Variants in DTNA observed in about 807,000 individuals in gnomAD.
DTNA encodes the protein dystrobrevin alpha, also known as dystrophin-related protein 3.
Under a neutral mutation model 100.7 loss-of-function variants are expected in DTNA, and 43 were observed. The observed-to-expected ratio is 0.43, with a 90% CI of 0.33 to 0.55. DTNA has a LOEUF of 0.55. Among genes scored for constraint, DTNA ranks in the 20% least tolerant of loss-of-function variants. DTNA has a pLI of 0.04. For synonymous variants in DTNA, 349 were observed against 347.9 expected, an observed-to-expected ratio of 1.00 and a Z score of -0.04; for missense variants, 798 against 953.9, an observed-to-expected ratio of 0.84 and a Z score of 2.15.
At chr18:34,608,180 G>T (rs189762304) in intron 1 of DTNA, among the ~76,000 whole-genome samples, 12 of 152,118 alleles carry the variant, frequency 7.9e-5, no homozygotes, top group African/African-American at 2.9e-4. Context: ...AAGTAACTGG[G>T]TTGGTATTTA....
chr18:34,839,619 A>G (rs73949008), intron 13 of DTNA, among the ~76,000 whole-genome samples: 1 of 152,304 alleles, frequency 6.6e-6, no homozygotes, highest in African/African-American at 2.4e-5. Flanking sequence ...AGTTCAGACT[A>G]TTGTTTTATA....
intron 1 of DTNA, among the ~76,000 whole-genome samples, chr18:34,526,148 G>A (rs2042591628): frequency 6.6e-6 from 1 of 152,100 alleles, no homozygotes; most frequent in Admixed American, 6.6e-5. Context: ...TTATTCACTT[G>A]GGCTTTTGCT....
rs765046011 is a variant in DTNA, at chr18:34,677,741, TG to T, written c.-1-78234del. ...AAAAAATATCTGAAAGTACTACTGT[TG>T]TAATAATACATTTAATTCAAAGAAT... On this transcript the variant is annotated intron_variant, in intron 1 of 19. Transcript: ENST00000283365. Among the ~76,000 whole-genome samples, 3 of 152,280 alleles carry T rather than the reference TG, an allele frequency of 2.0e-5. No individual in the cohort carries two copies. The South Asian group carries it at 6.2e-4, about 32-fold the overall frequency.
intron 1 of DTNA, among the ~76,000 whole-genome samples, chr18:34,688,831 T>G (rs181790416): frequency 6.6e-6 from 1 of 152,244 alleles, no homozygotes; most frequent in East Asian, 1.9e-4. Flanking sequence ...CTTGGAGGCT[T>G]TGTTTGTTCC....
intron 1 of DTNA, among the ~76,000 whole-genome samples, chr18:34,738,545 C>A (rs2090059417): frequency 6.6e-6 from 1 of 152,192 alleles, no homozygotes; most frequent in South Asian, 2.1e-4. Context: ...CTGAGTCCAG[C>A]TTTGAAGCTG....
chr18:34,772,089 A>C (rs970287422), intron 3 of DTNA, among the ~76,000 whole-genome samples: 1 of 152,218 alleles, frequency 6.6e-6, no homozygotes, highest in Non-Finnish European at 1.5e-5. Flanking sequence ...AAAATTAAGA[A>C]GGCAAGGGAA....
At chr18:34,549,825 AAGTT>A (rs2045212972) in intron 1 of DTNA, among the ~76,000 whole-genome samples, 1 of 152,042 alleles carries the variant, frequency 6.6e-6, no homozygotes, top group Non-Finnish European at 1.5e-5. Flanking sequence ...AGTACTTTAA[AAGTT>A]AGTCTTTAAA....
intron 21 of DTNA, among the ~76,000 whole-genome samples, chr18:34,883,202 A>G (rs2096890327): frequency 6.6e-6 from 1 of 152,252 alleles, no homozygotes; most frequent in East Asian, 1.9e-4. Context: ...CTGGTATTTC[A>G]GGGATGTTTG....
chr18:34,766,036 G>A lies in DTNA; in HGVS notation c.143G>A (p.Cys48Tyr). The A allele has an allele frequency of 6.2e-7, 1 of 1,613,626 alleles. No homozygotes were observed. Among genetic ancestry groups the A allele is most frequent in the Non-Finnish European group, 8.5e-7 (1 of 1,179,662 alleles). ...ACKLRFVQKK[C>Y]NLHLVDIWNV... ...AAGCTTAGGTTTGTTCAGAAGAAAT[G>A]CAATTGTAAGTATGCCAGTTGTTTG... Residue 48 changes from cysteine to tyrosine, a missense_variant, in exon 3 of 23, where the codon TGC becomes TAC. By Grantham distance (194) the Cys-to-Tyr change is radical (BLOSUM62 -2). Around this residue, in one of 6 missense-constraint regions of DTNA, gnomAD observed 197 missense variants for 215.4 expected, o/e 0.91. Coordinates refer to ENST00000444659, the MANE Select transcript of DTNA (RefSeq NM_001386795.1).
intron 21 of DTNA, among the ~76,000 whole-genome samples, chr18:34,883,616 C>T (rs1383857272): frequency 6.6e-6 from 1 of 152,002 alleles, no homozygotes; most frequent in Admixed American, 6.6e-5. Context: ...AGGCTTTCTG[C>T]ATATTATTAG....
upstream of DTNA, chr18:34,709,606 T>G (rs2146427403): frequency 6.6e-6 from 1 of 152,362 alleles, no homozygotes; most frequent in East Asian, 1.9e-4. Flanking sequence ...CCAAGACTGC[T>G]GCTCTTAATA....
chr18:34,610,217 G>A (rs148169097), intron 1 of DTNA, among the ~76,000 whole-genome samples: 50 of 152,302 alleles, frequency 3.3e-4, no homozygotes, highest in Non-Finnish European at 6.3e-4. Context: ...AGTCAAGTAC[G>A]TGAGGAGACT....
At chr18:34,506,630 T>C (rs1417980470) in intron 1 of DTNA, among the ~76,000 whole-genome samples, 7 of 152,084 alleles carry the variant, frequency 4.6e-5, no homozygotes, top group African/African-American at 7.2e-5. Context: ...GAGAGTATGG[T>C]TTTGTTGGCA....
chr18:34,740,611 G>A lies in DTNA; in HGVS notation c.-1-15365G>A, dbSNP rs533568415. Among the ~76,000 whole-genome samples, 12 of 152,184 alleles carry A rather than the reference G, an allele frequency of 7.9e-5. No individual in the cohort carries two copies. The South Asian group carries it at 2.5e-3, about 32-fold the overall frequency. The stretch of plus-strand genomic sequence containing the variant: ...TTGAGAGCAGCCTGGGTGACATAGT[G>A]AGACCTTGTCTCTATGAAAAAACTT... On this transcript the variant is annotated intron_variant, in intron 1 of 22. Coordinates refer to ENST00000444659, the MANE Select transcript of DTNA (RefSeq NM_001386795.1).
At chr18:34,654,513 G>T (rs1034324017) in intron 1 of DTNA, among the ~76,000 whole-genome samples, 3 of 152,166 alleles carry the variant, frequency 2.0e-5, no homozygotes, top group Non-Finnish European at 4.4e-5. Context: ...ACTTGCCAGT[G>T]TATACTCAGA....
chr18:34,732,222 C>G (rs562066445), intron 1 of DTNA, among the ~76,000 whole-genome samples: 2 of 152,260 alleles, frequency 1.3e-5, no homozygotes, highest in East Asian at 1.9e-4. Flanking sequence ...TTCTTCATGG[C>G]AGGTATTTTG....
chr18:34,775,282 C>G (rs531717983), intron 3 of DTNA, among the ~76,000 whole-genome samples: 2 of 152,172 alleles, frequency 1.3e-5, no homozygotes, highest in African/African-American at 4.8e-5. Context: ...GTCAGGAGAT[C>G]GAGACGATCC....
intron 1 of DTNA, among the ~76,000 whole-genome samples, chr18:34,629,623 T>G (rs1216852427): frequency 6.6e-6 from 1 of 152,192 alleles, no homozygotes; most frequent in East Asian, 1.9e-4. Context: ...AAGATGCCCA[T>G]TCTTCTGGGC....
chr18:34,670,213 T>C (rs905567706), intron 1 of DTNA, among the ~76,000 whole-genome samples: 10 of 152,254 alleles, frequency 6.6e-5, no homozygotes, highest in African/African-American at 2.2e-4. Flanking sequence ...GTTGATCGAA[T>C]TGGCTACTGA....
Sources: allele counts gnomAD v4.1 joint callset (sites outside exome capture counted in the v4.1 genomes callset), GRCh38; gene constraint gnomAD v4.1.1; regional missense constraint gnomAD v4.1.1; transcripts MANE v1.5; gene names NCBI Gene and HGNC (gene_info 2026-07-23, HGNC 2026-07-21).